CMTM4: variants seen among roughly 807,000 people sequenced by gnomAD.
CMTM4 encodes the protein CKLF-like MARVEL transmembrane domain-containing protein 4.
CMTM4 carries 8 observed loss-of-function variants against 19.0 expected under a neutral mutation model. The observed-to-expected ratio is 0.42, with a 90% CI of 0.25 to 0.76. The LOEUF (loss-of-function observed/expected upper bound fraction) is 0.76. CMTM4 is among the 30% of genes least tolerant of loss of function. The pLI is 0.27. For missense variants in CMTM4, 228 were observed against 290.2 expected (o/e 0.79, Z 1.56); for synonymous variants, 106 against 121.1 (o/e 0.88, Z 0.82).
chr16:66,620,451 G>A lies in CMTM4; in HGVS notation c.*1607C>T. 1.0e-6 allele frequency: 1 copy of A among 985,442 alleles called. No individual in the cohort carries two copies. The highest frequency in any genetic ancestry group is 1.2e-6 in the Non-Finnish European group (1 of 829,960). 61.0% of individuals were successfully genotyped at this position (985,442 alleles called of 1,614,324 possible). On this transcript the variant is annotated 3_prime_UTR_variant, in exon 4 of 4. Transcript: ENST00000394106. ...GATCGTACTGAAGGTGTTGGTGCAG[G>A]AAGCTAACCCCAACTCCGACCCCCA...
In CMTM4 at chr16:66,627,509, T is replaced by C. The variant is rs564808517; in HGVS notation, c.364-4007A>G. Among the ~76,000 whole-genome samples the C allele has an allele frequency of 4.6e-5, 7 of 152,344 alleles. No individual in the cohort carries two copies. The South Asian group carries it at 1.4e-3, about 32-fold the overall frequency. ...AGTATATAATTCAATCACAATGTAATTTTAGAACATTTTTAGCACTCCAAA... is the reference window on the plus strand; with the variant it reads ...AGTATATAATTCAATCACAATGTAACTTTAGAACATTTTTAGCACTCCAAA... On this transcript the variant is annotated intron_variant, in intron 2 of 3. Transcript: ENST00000394106.
downstream of CMTM4, among the ~76,000 whole-genome samples, chr16:66,611,334 T>TC (rs1268527836): frequency 6.6e-6 from 1 of 151,916 alleles, no homozygotes; most frequent in Non-Finnish European, 1.5e-5. Context: ...CCGCCTGTAA[T>TC]CCCAGCTACT....
At chr16:66,604,680 G>C in the CMTM4 span, 2 of 705,646 alleles carry the variant, frequency 2.8e-6, no homozygotes, top group Non-Finnish European at 3.8e-6. Flanking sequence ...GCGTGGCGGC[G>C]GGGGATGCGC....
chr16:66,663,082 G>C (rs1013999621), intron 1 of CMTM4, among the ~76,000 whole-genome samples: 1 of 152,162 alleles, frequency 6.6e-6, no homozygotes, highest in Non-Finnish European at 1.5e-5. Context: ...TCAACCCACA[G>C]AAGACTGACC....
intron 1 of CMTM4, among the ~76,000 whole-genome samples, chr16:66,695,678 G>C (rs1308886630): frequency 6.6e-6 from 1 of 152,306 alleles, no homozygotes; most frequent in East Asian, 1.9e-4. Context: ...TGCCCTCCCA[G>C]ATTTAACTCT....
intron 1 of CMTM4, among the ~76,000 whole-genome samples, chr16:66,694,909 C>G (rs2017203778): frequency 6.6e-6 from 1 of 152,146 alleles, no homozygotes; most frequent in South Asian, 2.1e-4. Context: ...AAAATACCCT[C>G]TGGCAGTCAG....
intron 1 of CMTM4, among the ~76,000 whole-genome samples, chr16:66,651,301 G>A (rs2016306479): frequency 6.6e-6 from 1 of 152,092 alleles, no homozygotes; most frequent in African/African-American, 2.4e-5. Flanking sequence ...TTATACACAC[G>A]CTAAACAACA....
chr16:66,610,051 C>T (rs2015318187), downstream of CMTM4: 3 of 1,604,256 alleles, frequency 1.9e-6, no homozygotes, highest in Non-Finnish European at 2.6e-6. The surrounding 1 kb of genome is among the most constrained non-coding windows in gnomAD (Gnocchi z 4.6). Context: ...CAGGGGCCTG[C>T]CCTCCCTCGG....
chr16:66,628,721 C>CT (rs1379444596), intron 2 of CMTM4, among the ~76,000 whole-genome samples: 1 of 152,138 alleles, frequency 6.6e-6, no homozygotes, highest in African/African-American at 2.4e-5. Flanking sequence ...TCTGATCTCT[C>CT]TTTTTTTCCC....
At chr16:66,664,802 T>C (rs758204918) in intron 1 of CMTM4, among the ~76,000 whole-genome samples, 3 of 151,638 alleles carry the variant, frequency 2.0e-5, no homozygotes, top group South Asian at 2.1e-4. Context: ...AATAACAAAA[T>C]GGTAGGTTTA....
chr16:66,600,613 T>G, the CMTM4 span, among the ~76,000 whole-genome samples: 2 of 144,030 alleles, frequency 1.4e-5, no homozygotes, highest in South Asian at 2.4e-4. Context: ...CCCCCACCCT[T>G]CCCCCCAAAC....
At chr16:66,626,871 G>A (rs1265351953) in intron 2 of CMTM4, among the ~76,000 whole-genome samples, 1 of 152,068 alleles carries the variant, frequency 6.6e-6, no homozygotes, top group Non-Finnish European at 1.5e-5. Flanking sequence ...AGGCTGAGGT[G>A]GGTGGATTGT....
downstream of CMTM4, chr16:66,610,865 A>G: frequency 1.0e-5 from 4 of 398,654 alleles, no homozygotes; most frequent in Non-Finnish European, 1.3e-5. The surrounding 1 kb of genome is among the most constrained non-coding windows in gnomAD (Gnocchi z 4.6). Context: ...TGCTGGGGCC[A>G]TGGGGATTTG....
At chr16:66,630,972 C>A (rs1790098279) in intron 2 of CMTM4, among the ~76,000 whole-genome samples, 1 of 151,614 alleles carries the variant, frequency 6.6e-6, no homozygotes, top group Non-Finnish European at 1.5e-5. Flanking sequence ...AGGTGAGGAG[C>A]GTCTCTGCCC....
chr16:66,638,764 CAGG>C (rs1288947262), intron 1 of CMTM4, among the ~76,000 whole-genome samples: 3 of 152,064 alleles, frequency 2.0e-5, no homozygotes, highest in Non-Finnish European at 4.4e-5. Context: ...GAGGCTGAGG[CAGG>C]AGAATCACTT....
In CMTM4 at chr16:66,696,591, G is replaced by T. The variant is rs1447492885; in HGVS notation, c.-66C>A. 10 of 1,007,650 alleles carry T rather than the reference G, an allele frequency of 9.9e-6. No homozygotes were observed. The highest frequency in any genetic ancestry group is 6.6e-5 in the East Asian group (1 of 15,206). The allele number at this position is 1,007,650 out of a possible 1,614,324, so 62.4% of individuals were successfully genotyped here. A position where few individuals can be genotyped will look rare whatever the true frequency, so the allele number is the denominator to read the frequency against. On this transcript the variant is annotated 5_prime_UTR_variant, in exon 1 of 4. Coordinates refer to ENST00000394106, the MANE Select transcript of CMTM4 (RefSeq NM_181521.3). The surrounding 1 kb of genome is among the most constrained non-coding windows in gnomAD (Gnocchi z 4.3). ...GGCGCCAGGAGCGGGCGGACTCAGC[G>T]GGGCCGCCGCATCGCCGCCGCCGCC... is the stretch of plus-strand genomic sequence containing the variant.
chr16:66,696,430 C>G lies in CMTM4; in HGVS notation c.96G>C (p.Glu32Asp). The change falls in exon 1 of 4, where the codon GAG becomes GAC. Residue 32 changes from glutamate to aspartate, a missense_variant. Glu to Asp is a conservative substitution (Grantham distance 45, BLOSUM62 2). This residue lies in a region of CMTM4 where 200 missense variants were observed against 226.6 expected (regional missense o/e 0.88). Transcript: ENST00000394106. The surrounding 1 kb of genome is among the most constrained non-coding windows in gnomAD (Gnocchi z 4.3). ...GASSPYQPTT[E>D]PVSQRRGLAG... is the part of the protein sequence containing the mutation. The stretch of plus-strand genomic sequence containing the variant: ...CCAGCCCGCGGCGCTGGCTCACCGG[C>G]TCGGTGGTGGGCTGGTACGGGCTGC... 1 of 1,394,260 alleles carries G rather than the reference C, an allele frequency of 7.2e-7. No individual in the cohort carries two copies. Among genetic ancestry groups the G allele is most frequent in the Non-Finnish European group, 9.3e-7 (1 of 1,075,764 alleles). The allele number at this position is 1,394,260 out of a possible 1,614,324, so 86.4% of individuals were successfully genotyped here. A position where few individuals can be genotyped will look rare whatever the true frequency, so the allele number is the denominator to read the frequency against.
chr16:66,609,799 C>G (rs760966016), downstream of CMTM4: 16 of 1,613,522 alleles, frequency 9.9e-6, no homozygotes, highest in Non-Finnish European at 1.3e-5. This position sits in a 1 kb window ranked among gnomAD's most constrained non-coding sequence, Gnocchi z 4.4. Context: ...CCAAGCAGAT[C>G]TGAAATGGGC....
At chr16:66,627,049 G>C (rs1441013199) in intron 2 of CMTM4, among the ~76,000 whole-genome samples, 1 of 152,226 alleles carries the variant, frequency 6.6e-6, no homozygotes, top group Non-Finnish European at 1.5e-5. Context: ...GCTGCAGTGA[G>C]CGGAGACTGC....
Sources: gnomAD v4.1 joint callset for allele counts (sites outside exome capture counted in the v4.1 genomes callset) on GRCh38, gnomAD v4.1.1 for gene constraint, gnomAD v4.1.1 regional missense constraint, Gnocchi (gnomAD v3.1) non-coding constraint, MANE v1.5 for transcripts, NCBI Gene and HGNC (gene_info 2026-07-23, HGNC 2026-07-21) for gene names.